The following ZFHX3 variants were observed in gnomAD, a reference collection of about 807,000 sequenced individuals.
ZFHX3 encodes zinc finger homeobox protein 3.
Under a neutral mutation model 279.1 loss-of-function variants are expected in ZFHX3, and 42 were observed. That is an observed-to-expected ratio of 0.15 (90% confidence interval 0.12 to 0.19). ZFHX3 has a LOEUF of 0.19. ZFHX3 is among the 10% of genes least tolerant of loss of function. ZFHX3 has a pLI of 1.00. For synonymous variants in ZFHX3, 2,293 were observed against 1,957.8 expected (o/e 1.17, Z -4.52); for missense variants, 4,981 against 4,754.0 (o/e 1.05, Z -1.40).
At chr16:73,002,481 T>C (rs1398853728) in intron 1 of ZFHX3, among the ~76,000 whole-genome samples, 4 of 152,144 alleles carry the variant, frequency 2.6e-5, no homozygotes, top group East Asian at 3.9e-4. Flanking sequence ...ACCCAGCTTA[T>C]GCTGAGGTGT....
intron 6 of ZFHX3, among the ~76,000 whole-genome samples, chr16:73,131,887 G>A (rs1022453719): frequency 6.6e-6 from 1 of 152,182 alleles, no homozygotes; most frequent in African/African-American, 2.4e-5. Context: ...TCCTGGAGCT[G>A]TTGTGAGGCT....
chr16:73,161,395 T>C (rs1967231860), intron 5 of ZFHX3, among the ~76,000 whole-genome samples: 1 of 152,198 alleles, frequency 6.6e-6, no homozygotes, highest in African/African-American at 2.4e-5. Context: ...TCTCAGTCGC[T>C]CAACGGTTAT....
intron 2 of ZFHX3, among the ~76,000 whole-genome samples, chr16:73,469,118 C>T (rs995792792): frequency 1.3e-5 from 2 of 152,144 alleles, no homozygotes; most frequent in Non-Finnish European, 2.9e-5. Context: ...AGTGGGGCTC[C>T]CCAGTCTTTC....
intron 1 of ZFHX3, among the ~76,000 whole-genome samples, chr16:72,969,590 C>T (rs1392586728): frequency 6.6e-6 from 1 of 151,976 alleles, no homozygotes; most frequent in Non-Finnish European, 1.5e-5. Context: ...GAGAAAAACA[C>T]ACTACACTGA....
chr16:73,556,320 AG>A (rs1344139252), intron 2 of ZFHX3, among the ~76,000 whole-genome samples: 11 of 152,174 alleles, frequency 7.2e-5, no homozygotes, highest in Admixed American at 2.6e-4. Context: ...AGGAGTGGGG[AG>A]GGGGGTGGCG....
At chr16:73,816,430 T>C (rs1960573307) in intron 1 of ZFHX3, among the ~76,000 whole-genome samples, 1 of 152,232 alleles carries the variant, frequency 6.6e-6, no homozygotes, top group Non-Finnish European at 1.5e-5. Flanking sequence ...CCCCTATCTT[T>C]ATAAATAAAG....
intron 8 of ZFHX3, among the ~76,000 whole-genome samples, chr16:73,087,581 T>C (rs1190054456): frequency 2.0e-5 from 3 of 152,220 alleles, no homozygotes; most frequent in African/African-American, 7.2e-5. Context: ...GAGATGATTA[T>C]AACTCTAATT....
At chr16:73,140,414 C>G (rs1966844413) in intron 6 of ZFHX3, among the ~76,000 whole-genome samples, 1 of 152,152 alleles carries the variant, frequency 6.6e-6, no homozygotes, top group Non-Finnish European at 1.5e-5. Flanking sequence ...CCTCTAATGG[C>G]TATCATTGGA....
At chr16:72,825,035 T>C (rs1233325715) in intron 5 of ZFHX3, among the ~76,000 whole-genome samples, 1 of 152,242 alleles carries the variant, frequency 6.6e-6, no homozygotes, top group Non-Finnish European at 1.5e-5. Context: ...GGCCTGTTCA[T>C]GTGCTACCAC....
chr16:73,248,881 T>A (rs539660942), intron 5 of ZFHX3, among the ~76,000 whole-genome samples: 1 of 152,104 alleles, frequency 6.6e-6, no homozygotes, highest in East Asian at 1.9e-4. Context: ...ATAATTCAAG[T>A]AATTTAAATT....
intron 5 of ZFHX3, among the ~76,000 whole-genome samples, chr16:72,824,200 T>G (rs527382435): frequency 1.3e-5 from 2 of 152,322 alleles, no homozygotes; most frequent in East Asian, 3.9e-4. Context: ...GCTATACATT[T>G]ATGTTAAACA....
At chr16:73,715,804 C>A (rs573452332) in intron 1 of ZFHX3, among the ~76,000 whole-genome samples, 2 of 151,848 alleles carry the variant, frequency 1.3e-5, no homozygotes, top group South Asian at 2.1e-4. Context: ...GAACTCCTGA[C>A]GTCGTGATCC....
chr16:73,479,309 C>A (rs1386643249), intron 2 of ZFHX3, among the ~76,000 whole-genome samples: 1 of 152,216 alleles, frequency 6.6e-6, no homozygotes, highest in East Asian at 1.9e-4. Context: ...TTACACATTG[C>A]TGAAGTTCTT....
At chr16:72,991,611 A>G (rs919050532) in intron 1 of ZFHX3, among the ~76,000 whole-genome samples, 1 of 152,236 alleles carries the variant, frequency 6.6e-6, no homozygotes, top group African/African-American at 2.4e-5. Flanking sequence ...TTATATTAAT[A>G]TTTATTAACA....
At chr16:73,761,370 G>C (rs779719020) in intron 1 of ZFHX3, among the ~76,000 whole-genome samples, 15 of 152,136 alleles carry the variant, frequency 9.9e-5, no homozygotes, top group Non-Finnish European at 2.1e-4. Flanking sequence ...CTCATGGATA[G>C]GAAGAATCAA....
At chr16:73,685,048 C>G (rs1176643985) in intron 1 of ZFHX3, among the ~76,000 whole-genome samples, 1 of 145,134 alleles carries the variant, frequency 6.9e-6, no homozygotes, top group African/African-American at 2.6e-5. Flanking sequence ...CAGAGTCTCA[C>G]TCTGTCGCCA....
chr16:73,195,396 A>T (rs1051144025), intron 5 of ZFHX3, among the ~76,000 whole-genome samples: 3 of 150,124 alleles, frequency 2.0e-5, no homozygotes, highest in Non-Finnish European at 4.4e-5. Flanking sequence ...ACTACAAAAT[A>T]TGGTTGTGTC....
At chr16:73,439,700 C>A (rs1215756375) in intron 3 of ZFHX3, among the ~76,000 whole-genome samples, 1 of 152,024 alleles carries the variant, frequency 6.6e-6, no homozygotes, top group Non-Finnish European at 1.5e-5. Context: ...TCCTTCCCCC[C>A]TTTCAAGATG....
chr16:72,911,091 CA>C (rs2039305423), intron 3 of ZFHX3, among the ~76,000 whole-genome samples: 1 of 152,198 alleles, frequency 6.6e-6, no homozygotes, highest in African/African-American at 2.4e-5. Context: ...GATTCCCCTA[CA>C]AAACATCATG....
Sources: gnomAD v4.1 joint callset for allele counts (sites outside exome capture counted in the v4.1 genomes callset) on GRCh38, gnomAD v4.1.1 for gene constraint, MANE v1.5 for transcripts, NCBI Gene and HGNC (gene_info 2026-07-23, HGNC 2026-07-21) for gene names.